The following PACRG variants were observed in gnomAD, a reference collection of about 807,000 sequenced individuals.
PACRG encodes the protein parkin coregulated gene protein.
PACRG carries 29 observed loss-of-function variants against 29.7 expected under a neutral mutation model. The observed-to-expected ratio is 0.98, with a 90% CI of 0.73 to 1.33. PACRG has a LOEUF of 1.33. PACRG is among the 40% of genes most tolerant of loss of function. PACRG has a pLI of 0.00. For synonymous variants in PACRG, 116 were observed against 118.7 expected (o/e 0.98, Z 0.15); for missense variants, 279 against 316.2 (o/e 0.88, Z 0.89).
At chr6:162,763,275 C>T (rs758513416) in intron 1 of PACRG, among the ~76,000 whole-genome samples, 9 of 152,152 alleles carry the variant, frequency 5.9e-5, no homozygotes, top group Non-Finnish European at 1.2e-4. Flanking sequence ...ATCTCCTGCA[C>T]TTTCTTTAAG....
intron 2 of PACRG, among the ~76,000 whole-genome samples, chr6:162,823,285 G>A (rs1400956830): frequency 6.6e-6 from 1 of 151,830 alleles, no homozygotes; most frequent in Non-Finnish European, 1.5e-5. Flanking sequence ...TCTTCCATTA[G>A]TACAGTAAGC....
rs554713801 is a variant in PACRG at position 163,253,113 on chromosome 6, G to A, written c.614-61714G>A. ...GGAGGTCGAGACCAGCCTGGCCAAC[G>A]TGGCGAAACCCTGTCTCTACTAAGT... On this transcript the variant is annotated intron_variant, in intron 4 of 4. Coordinates refer to ENST00000366888, the MANE Select transcript of PACRG (RefSeq NM_001080379.2). Among the ~76,000 whole-genome samples the A allele has an allele frequency of 5.3e-5, 8 of 151,776 alleles. No homozygotes were observed. The East Asian group carries it at 7.8e-4, about 15-fold the overall frequency.
chr6:162,864,153 G>T (rs948529514), intron 2 of PACRG, among the ~76,000 whole-genome samples: 1 of 152,062 alleles, frequency 6.6e-6, no homozygotes, highest in African/African-American at 2.4e-5. Flanking sequence ...CCTCTGAATT[G>T]TGTGGTGTGT....
At chr6:162,895,271 C>CAAAAA (rs35275122) in intron 2 of PACRG, among the ~76,000 whole-genome samples, 7 of 93,542 alleles carry the variant, frequency 7.5e-5, no homozygotes, top group Admixed American at 3.6e-4. Context: ...CCCTCTCTCT[C>CAAAAA]AAAAAAAAAA....
chr6:162,852,005 GAGGA>G (rs749750362), intron 2 of PACRG, among the ~76,000 whole-genome samples: 13,193 of 115,712 alleles, frequency 0.11, 908 homozygotes, highest in Admixed American at 0.25. Context: ...GGGAGGGAGG[GAGGA>G]AGGAAGGAAG....
intron 4 of PACRG, among the ~76,000 whole-genome samples, chr6:163,243,619 C>T (rs1782585414): frequency 6.6e-6 from 1 of 152,182 alleles, no homozygotes. Flanking sequence ...TCTCTGGGTC[C>T]TCAGTCACCA....
chr6:163,007,889 G>C (rs896236908), intron 2 of PACRG, among the ~76,000 whole-genome samples: 4 of 152,092 alleles, frequency 2.6e-5, no homozygotes, highest in African/African-American at 9.7e-5. Flanking sequence ...TTTGGTCCCA[G>C]GTCATAGAAG....
chr6:162,818,494 T>C (rs1446269032), intron 2 of PACRG, among the ~76,000 whole-genome samples: 1 of 152,192 alleles, frequency 6.6e-6, no homozygotes. Flanking sequence ...CTACCTCTGC[T>C]GTGTAAATAA....
intron 4 of PACRG, among the ~76,000 whole-genome samples, chr6:163,298,709 C>G (rs1339474693): frequency 6.6e-6 from 1 of 152,136 alleles, no homozygotes; most frequent in Non-Finnish European, 1.5e-5. Flanking sequence ...ATTAAACAGC[C>G]ATGACAAATG....
intron 2 of PACRG, among the ~76,000 whole-genome samples, chr6:162,950,189 G>A (rs1457761464): frequency 6.6e-6 from 1 of 151,930 alleles, no homozygotes; most frequent in East Asian, 1.9e-4. Flanking sequence ...CTGATATGAT[G>A]CAGTAATTAT....
At chr6:162,889,310 C>T (rs918241582) in intron 2 of PACRG, among the ~76,000 whole-genome samples, 1 of 152,124 alleles carries the variant, frequency 6.6e-6, no homozygotes, top group Non-Finnish European at 1.5e-5. Context: ...ATGCCTCTTG[C>T]CACTAATCAG....
chr6:162,815,145 A>G (rs1787224352), intron 2 of PACRG, among the ~76,000 whole-genome samples: 1 of 152,196 alleles, frequency 6.6e-6, no homozygotes, highest in Non-Finnish European at 1.5e-5. Flanking sequence ...GTGCACACTT[A>G]TGAGTATCAC....
At chr6:162,908,523 G>T (rs922717014) in intron 2 of PACRG, among the ~76,000 whole-genome samples, 1 of 152,196 alleles carries the variant, frequency 6.6e-6, no homozygotes, top group Admixed American at 6.5e-5. Flanking sequence ...AATAGCACAT[G>T]ATATGGCCCT....
chr6:163,047,147 ATCTGTT>A (rs1359920308), intron 2 of PACRG, among the ~76,000 whole-genome samples: 4 of 152,198 alleles, frequency 2.6e-5, no homozygotes, highest in African/African-American at 9.6e-5. Flanking sequence ...GCCACAAATA[ATCTGTT>A]TCTAACAGTC....
chr6:162,786,257 A>G (rs2067743), intron 1 of PACRG, among the ~76,000 whole-genome samples: 6,549 of 152,232 alleles, frequency 0.043, 479 homozygotes, highest in African/African-American at 0.15. Context: ...TTCTGTGAAG[A>G]CTGACTATAA....
intron 4 of PACRG, among the ~76,000 whole-genome samples, chr6:163,270,191 A>G (rs1473772443): frequency 1.3e-5 from 2 of 152,222 alleles, no homozygotes; most frequent in Non-Finnish European, 2.9e-5. Context: ...AATATTTTAT[A>G]AAGCGAGCAT....
At chr6:163,272,364 T>C (rs946414360) in intron 4 of PACRG, among the ~76,000 whole-genome samples, 1 of 152,172 alleles carries the variant, frequency 6.6e-6, no homozygotes, top group African/African-American at 2.4e-5. Flanking sequence ...CCCTACTACC[T>C]TACTGAATTT....
At chr6:163,260,659 G>A (rs1467830378) in intron 4 of PACRG, among the ~76,000 whole-genome samples, 1 of 152,182 alleles carries the variant, frequency 6.6e-6, no homozygotes, top group African/African-American at 2.4e-5. Context: ...AAAGAATACT[G>A]CTGGGATGGC....
intron 4 of PACRG, among the ~76,000 whole-genome samples, chr6:163,277,464 ATGGTGTGTGTGTATGTG>A (rs1276079480): frequency 7.0e-6 from 1 of 141,920 alleles, no homozygotes; most frequent in Admixed American, 7.1e-5. Flanking sequence ...GTAGTATCTC[ATGGTGTGTGTGTATGTG>A]TGTATATATA....
Sources: allele counts gnomAD v4.1 joint callset (sites outside exome capture counted in the v4.1 genomes callset), GRCh38; gene constraint gnomAD v4.1.1; transcripts MANE v1.5; gene names NCBI Gene and HGNC (gene_info 2026-07-23, HGNC 2026-07-21).